The following WDFY2 variants were observed in gnomAD, a reference collection of about 807,000 sequenced individuals.
The protein encoded by WDFY2 is WD repeat and FYVE domain-containing protein 2.
WDFY2 carries 36 observed loss-of-function variants against 56.4 expected under a neutral mutation model. The observed-to-expected ratio is 0.64, with a 90% CI of 0.49 to 0.84. The LOEUF is 0.84. WDFY2 is among the 40% of genes least tolerant of loss of function. The pLI is 0.00. For missense variants in WDFY2, 444 were observed against 512.2 expected (o/e 0.87, Z 1.29); for synonymous variants, 176 against 183.7 (o/e 0.96, Z 0.34).
At chr13:51,592,510 A>C (rs1566299775) in intron 1 of WDFY2, 1 of 151,772 alleles carries the variant, frequency 6.6e-6, no homozygotes, top group African/African-American at 2.4e-5. Context: ...AGGAGGCGGA[A>C]GTTGCAGTGA....
Position 51,751,391 on chromosome 13 carries a change from G to A in WDFY2, c.807G>A (p.Trp269Ter). The change falls in exon 8 of 12, where the codon TGG becomes TGA. Residue 269 changes from tryptophan (W) to a stop codon, truncating the protein, a stop_gained. Transcript: ENST00000298125. LOFTEE classifies it high-confidence loss of function. Reference sequence around the variant, plus strand: ...GCGGTGATGGTGGGATTGTCGTCTGGAACATGGACGTGGAGAGGCAGGAGG... The same window carrying A: ...GCGGTGATGGTGGGATTGTCGTCTGAAACATGGACGTGGAGAGGCAGGAGG... The part of the protein sequence containing the change: ...SCGGDGGIVV[W>*]NMDVERQETP... 6 of 1,614,092 alleles carry A rather than the reference G, an allele frequency of 3.7e-6. No individual in the cohort carries two copies. Among genetic ancestry groups the A allele is most frequent in the Non-Finnish European group, 5.1e-6 (6 of 1,179,974 alleles).
intron 1 of WDFY2, among the ~76,000 whole-genome samples, chr13:51,601,605 G>A (rs948364128): frequency 1.3e-5 from 2 of 152,078 alleles, no homozygotes; most frequent in African/African-American, 4.8e-5. Flanking sequence ...AGTACAGACG[G>A]GGGTTTTACC....
intron 1 of WDFY2, among the ~76,000 whole-genome samples, chr13:51,653,195 A>G (rs1348968975): frequency 6.6e-6 from 1 of 152,144 alleles, no homozygotes; most frequent in Non-Finnish European, 1.5e-5. Flanking sequence ...AGTTGATCGA[A>G]TCGGCTACTG....
intron 1 of WDFY2, among the ~76,000 whole-genome samples, chr13:51,602,989 A>G (rs1212002638): frequency 6.6e-6 from 1 of 152,116 alleles, no homozygotes; most frequent in Non-Finnish European, 1.5e-5. Context: ...ACATGTTTCC[A>G]GATTGGACTG....
At chr13:51,647,865 A>G (rs1019980290) in intron 1 of WDFY2, among the ~76,000 whole-genome samples, 1 of 151,818 alleles carries the variant, frequency 6.6e-6, no homozygotes, top group African/African-American at 2.4e-5. Flanking sequence ...ATGTATGTGT[A>G]TGCATGTATA....
intron 1 of WDFY2, among the ~76,000 whole-genome samples, chr13:51,598,022 T>C (rs192054279): frequency 3.9e-5 from 6 of 152,314 alleles, no homozygotes; most frequent in East Asian, 3.9e-4. Flanking sequence ...TGGATCTCAG[T>C]GGGCATTTCT....
chr13:51,666,180 C>A (rs1345300793), intron 2 of WDFY2, among the ~76,000 whole-genome samples: 1 of 152,194 alleles, frequency 6.6e-6, no homozygotes, highest in South Asian at 2.1e-4. Context: ...ACAGCATGAA[C>A]GATAGTCTGA....
At position 51,584,518 on chromosome 13, in the gene WDFY2, G is replaced by T. The variant is rs151013435; in HGVS notation, c.-170G>T. ...GCGGTTTTGGTGCCTGAAGCAGGGAGCGCGGAGTCGTTCCCGAGAGAGGCG... is the reference window on the plus strand; with the variant it reads ...GCGGTTTTGGTGCCTGAAGCAGGGATCGCGGAGTCGTTCCCGAGAGAGGCG... On this transcript the variant is annotated 5_prime_UTR_variant, in exon 1 of 12. Transcript: ENST00000298125. 3.3e-4 allele frequency: 297 copies of T among 891,614 alleles called. No individual in the cohort carries two copies. The African/African-American group carries it at 4.8e-3, about 15-fold the overall frequency. The allele number at this position is 891,614 out of a possible 1,614,324, so 55.2% of individuals were successfully genotyped here. A position where few individuals can be genotyped will look rare whatever the true frequency, so the allele number is the denominator to read the frequency against.
intron 1 of WDFY2, among the ~76,000 whole-genome samples, chr13:51,597,372 G>A (rs2138301446): frequency 6.6e-6 from 1 of 152,202 alleles, no homozygotes; most frequent in Middle Eastern, 3.4e-3. Context: ...TATAATTACT[G>A]GGAAACTACA....
chr13:51,588,438 A>T (rs1227053015), intron 1 of WDFY2: 2 of 152,248 alleles, frequency 1.3e-5, no homozygotes, highest in Non-Finnish European at 2.9e-5. Context: ...CTTAGCATTC[A>T]TACAGAGACT....
chr13:51,746,503 G>C (rs1293675498), intron 7 of WDFY2, among the ~76,000 whole-genome samples: 1 of 152,196 alleles, frequency 6.6e-6, no homozygotes, highest in Non-Finnish European at 1.5e-5. Context: ...AGTCATATCT[G>C]ATTCAATGAG....
intron 3 of WDFY2, among the ~76,000 whole-genome samples, chr13:51,698,534 T>G (rs1951921179): frequency 6.6e-6 from 1 of 152,198 alleles, no homozygotes; most frequent in Non-Finnish European, 1.5e-5. Context: ...GGTCAGGGTT[T>G]AGGTAAGTCA....
At chr13:51,607,091 A>T (rs1226689237) in intron 1 of WDFY2, among the ~76,000 whole-genome samples, 1 of 152,226 alleles carries the variant, frequency 6.6e-6, no homozygotes, top group Non-Finnish European at 1.5e-5. Flanking sequence ...TTCTCCTCTT[A>T]GAAACACCCT....
At chr13:51,724,458 C>T (rs891639592) in intron 5 of WDFY2, among the ~76,000 whole-genome samples, 3 of 152,046 alleles carry the variant, frequency 2.0e-5, no homozygotes, top group Non-Finnish European at 4.4e-5. Flanking sequence ...AGGCTGGTCT[C>T]GAACTCCTGA....
chr13:51,717,738 C>T (rs1016693664), intron 4 of WDFY2, among the ~76,000 whole-genome samples: 2 of 152,048 alleles, frequency 1.3e-5, no homozygotes, highest in Admixed American at 6.5e-5. Flanking sequence ...TTAGTTAAAG[C>T]CTGTGTTTTG....
intron 3 of WDFY2, among the ~76,000 whole-genome samples, chr13:51,700,445 C>A (rs1951958327): frequency 1.3e-5 from 2 of 152,174 alleles, no homozygotes; most frequent in Admixed American, 6.5e-5. Context: ...TGCAGCCAAA[C>A]CTTTACATTT....
intron 4 of WDFY2, among the ~76,000 whole-genome samples, chr13:51,710,556 A>G (rs1952189743): frequency 1.3e-5 from 2 of 152,302 alleles, no homozygotes; most frequent in South Asian, 4.1e-4. Context: ...CTCAGCCCAA[A>G]ATCTCCTTAA....
chr13:51,728,421 T>G (rs1200296429), intron 6 of WDFY2, among the ~76,000 whole-genome samples: 1 of 152,234 alleles, frequency 6.6e-6, no homozygotes. Flanking sequence ...ATTAATTTTT[T>G]ACTAGTAGTT....
chr13:51,717,171 A>G (rs1031031228), intron 4 of WDFY2, among the ~76,000 whole-genome samples: 34 of 152,194 alleles, frequency 2.2e-4, no homozygotes, highest in Non-Finnish European at 5.9e-5. Context: ...CAGACATCAA[A>G]CCCATGTTTT....
Sources: allele counts gnomAD v4.1 joint callset (sites outside exome capture counted in the v4.1 genomes callset), GRCh38; gene constraint gnomAD v4.1.1; transcripts MANE v1.5; gene names NCBI Gene and HGNC (gene_info 2026-07-23, HGNC 2026-07-21).